The following NBEAL1 variants were observed in gnomAD, a reference collection of about 807,000 sequenced individuals.
The protein encoded by NBEAL1 is neurobeachin like 1.
In NBEAL1, 273 loss-of-function variants were observed where a neutral mutation model predicts 351.3. That is an observed-to-expected ratio of 0.78 (90% CI 0.70 to 0.86). The LOEUF is 0.86. Ranked by LOEUF, NBEAL1 falls within the 40% of genes least tolerant of loss-of-function variation. NBEAL1 has a pLI of 0.00. For synonymous variants in NBEAL1, 1,050 were observed against 1,086.4 expected (o/e 0.97, Z 0.66); for missense variants, 2,961 against 3,201.3 (o/e 0.92, Z 1.81).
intron 10 of NBEAL1, among the ~76,000 whole-genome samples, chr2:203,096,149 A>G (rs1490413622): frequency 2.0e-5 from 3 of 152,212 alleles, no homozygotes; most frequent in African/African-American, 7.2e-5. Flanking sequence ...TAGCTATTTG[A>G]TGAGGTATTT....
rs1009590111 is a variant in NBEAL1 at position 203,223,332 on chromosome 2, A to G, written c.*5978A>G. The stretch of plus-strand genomic sequence containing the variant: ...ACGGTTTTCATGTTTCCTTGGAAAC[A>G]TATTTTGCAAATATAACAATAATAG... On this transcript the variant is annotated 3_prime_UTR_variant, in exon 56 of 56. Transcript: ENST00000683969. 2.0e-5 allele frequency among the ~76,000 whole-genome samples: 3 copies of G among 152,152 alleles called. No individual in the cohort carries two copies. The highest frequency in any genetic ancestry group is 4.4e-5 in the Non-Finnish European group (3 of 67,966).
At chr2:203,174,647 C>T (rs2064436102) in intron 41 of NBEAL1, among the ~76,000 whole-genome samples, 1 of 151,970 alleles carries the variant, frequency 6.6e-6, no homozygotes, top group Non-Finnish European at 1.5e-5. Flanking sequence ...AATCCCAGCA[C>T]TTTGGGAGGC....
intron 2 of NBEAL1, among the ~76,000 whole-genome samples, chr2:203,037,608 A>G (rs527633201): frequency 2.0e-5 from 3 of 149,054 alleles, no homozygotes; most frequent in Non-Finnish European, 4.5e-5. Flanking sequence ...GCCCCTTTGC[A>G]GTCGGTCCTC....
At chr2:203,169,662 T>C in intron 38 of NBEAL1, 85 bp from the exon 39 acceptor site, 1 of 650,710 alleles carries the variant, frequency 1.5e-6, no homozygotes, top group Non-Finnish European at 2.7e-6. Flanking sequence ...GGGTGAATTG[T>C]CTCTCAATAC....
rs1425062651 is a variant in NBEAL1, at chr2:203,112,014, G to C, written c.2118G>C (p.Arg706Ser). The C allele has an allele frequency of 1.3e-6, 2 of 1,551,614 alleles. No homozygotes were observed. The highest frequency in any genetic ancestry group is 1.7e-6 in the Non-Finnish European group (2 of 1,147,022). The change falls in exon 16 of 56, where the codon AGG becomes AGC. Residue 706 changes from arginine to serine, a missense_variant. Physicochemically the swap from Arg to Ser is moderately radical, Grantham distance 110. Transcript: ENST00000683969. Reference sequence around the variant, plus strand: ...CTGTTGTCCACATGCCTGGAAAAAGGCCTTTTGGTCAGAGCTTCGTCTATA... The same window carrying C: ...CTGTTGTCCACATGCCTGGAAAAAGCCCTTTTGGTCAGAGCTTCGTCTATA... Reference protein sequence around the residue: ...NITVVHMPGKRPFGQSFVYIY... With the variant: ...NITVVHMPGKSPFGQSFVYIY...
intron 2 of NBEAL1, among the ~76,000 whole-genome samples, chr2:203,027,499 A>G (rs938056218): frequency 6.8e-6 from 1 of 147,138 alleles, no homozygotes; most frequent in Non-Finnish European, 1.5e-5. Context: ...TTACCTCTGT[A>G]AAAAAAAAAA....
intron 6 of NBEAL1, 133 bp downstream of exon 6, chr2:203,057,586 A>T: frequency 1.5e-6 from 1 of 667,474 alleles, no homozygotes; most frequent in Non-Finnish European, 2.4e-6. Context: ...TCTGAGCTAG[A>T]GAAATATGTT....
Position 203,034,998 on chromosome 2 carries a change from T to C in NBEAL1, c.52-6767T>C, listed in dbSNP as rs1474136408. ...ATATGCATCTAGAATTTGATAGTTT[T>C]AAAACTTGAGTGAGTACTGTAATCC... On this transcript the variant is annotated intron_variant, in intron 2 of 55. Coordinates refer to ENST00000683969, the MANE Select transcript of NBEAL1 (RefSeq NM_001378026.1). Among the ~76,000 whole-genome samples, 2 of 149,410 alleles carry C rather than the reference T, an allele frequency of 1.3e-5. 1 individual carries two copies. The highest frequency in any genetic ancestry group is 3.0e-5 in the Non-Finnish European group (2 of 66,644).
intron 6 of NBEAL1, among the ~76,000 whole-genome samples, chr2:203,060,150 G>A (rs1359208429): frequency 6.6e-6 from 1 of 152,110 alleles, no homozygotes; most frequent in Non-Finnish European, 1.5e-5. Context: ...GTCTGAAAAT[G>A]GCAGAAGAGA....
At chr2:203,217,174 C>A in intron 55 of NBEAL1, 79 bp from the exon 56 acceptor site, 1 of 1,077,138 alleles carries the variant, frequency 9.3e-7, no homozygotes, top group Non-Finnish European at 1.2e-6. Flanking sequence ...TTTCACTCTG[C>A]AAAATCAGTG....
At chr2:203,199,186 T>C (rs1156768586) in intron 48 of NBEAL1, 152 bp from the exon 49 acceptor site, 7 of 496,172 alleles carry the variant, frequency 1.4e-5, no homozygotes, top group Non-Finnish European at 1.8e-5. Context: ...TTGAGTTATC[T>C]TAAGATGTGC....
At chr2:203,149,535 C>CT (rs1022684040) in intron 34 of NBEAL1, among the ~76,000 whole-genome samples, 2 of 151,880 alleles carry the variant, frequency 1.3e-5, no homozygotes, top group African/African-American at 4.8e-5. Flanking sequence ...ATTATATTAT[C>CT]TTTTTTTTAT....
At position 203,183,341 on chromosome 2, in the gene NBEAL1, T is replaced by C; in HGVS notation, c.6658T>C (p.Trp2220Arg). 2.5e-6 allele frequency: 4 copies of C among 1,602,046 alleles called. No individual in the cohort carries two copies. Among genetic ancestry groups the C allele is most frequent in the African/African-American group, 1.3e-5 (1 of 74,712 alleles). Residue 2220 changes from tryptophan to arginine, a missense_variant, in exon 44 of 56, where the codon TGG (tryptophan) becomes CGG (arginine). Physicochemically the swap from Trp to Arg is moderately radical, Grantham distance 101 (BLOSUM62 -3). Transcript: ENST00000683969. ...ELVNDVILPK[W>R]AKSAEDFIYK... ...AGTAAATGATGTCATTCTCCCGAAA[T>C]GGGCTAAATCAGCTGAAGATTTCAT...
intron 7 of NBEAL1, among the ~76,000 whole-genome samples, chr2:203,072,084 G>A (rs952662869): frequency 6.6e-6 from 1 of 152,198 alleles, no homozygotes; most frequent in African/African-American, 2.4e-5. Context: ...CCAAGGAAGA[G>A]GAAACAGCCT....
chr2:203,146,300 A>G (rs1237665755), intron 33 of NBEAL1, among the ~76,000 whole-genome samples: 1 of 152,154 alleles, frequency 6.6e-6, no homozygotes, highest in Admixed American at 6.6e-5. Context: ...TCACTGGCAA[A>G]TTCTACCACA....
chr2:203,193,940 G>A, intron 47 of NBEAL1, 29 bp downstream of exon 47: 1 of 1,259,808 alleles, frequency 7.9e-7, no homozygotes, highest in Middle Eastern at 1.9e-4. Flanking sequence ...ATATCAAAAA[G>A]AGTTTTCTCT....
At chr2:203,076,106 A>T (rs561675324) in intron 7 of NBEAL1, among the ~76,000 whole-genome samples, 1 of 152,332 alleles carries the variant, frequency 6.6e-6, no homozygotes, top group East Asian at 1.9e-4. Context: ...AGAGAACTGG[A>T]TAAGTGAAGT....
Position 203,208,765 on chromosome 2 carries a change from C to T in NBEAL1, c.7623+12C>T. 2 of 1,540,382 alleles carry T rather than the reference C, an allele frequency of 1.3e-6. No individual in the cohort carries two copies. The highest frequency in any genetic ancestry group is 2.3e-5 in the East Asian group (1 of 44,330). On this transcript the variant is annotated intron_variant, in intron 52 of 55. Coordinates refer to ENST00000683969, the MANE Select transcript of NBEAL1 (RefSeq NM_001378026.1). The stretch of plus-strand genomic sequence containing the variant: ...TGTCAGGATCAAGGGTAAGATTTCA[C>T]CTTTAAGAAATACTATTTATTTTGT...
In NBEAL1 at chr2:203,110,171, G is replaced by C. The variant is rs1287678941; in HGVS notation, c.1971G>C (p.Met657Ile). 4 of 1,548,432 alleles carry C rather than the reference G, an allele frequency of 2.6e-6. No homozygotes were observed. The Admixed American group carries it at 8.0e-5, about 31-fold the overall frequency. The change falls in exon 15 of 56, where the codon ATG (methionine) becomes ATC (isoleucine). Residue 657 changes from methionine to isoleucine, a missense_variant. Coordinates refer to ENST00000683969, the MANE Select transcript of NBEAL1 (RefSeq NM_001378026.1). ...QLYSFFTGSGMGFEAFITHSG... is the reference protein window; with the variant it reads ...QLYSFFTGSGIGFEAFITHSG... ...TTAGTTTTTTTACAGGAAGTGGCAT[G>C]GGTTTTGAAGCCTTTATTACCCATT...
Sources: gnomAD v4.1 joint callset for allele counts (sites outside exome capture counted in the v4.1 genomes callset) on GRCh38, gnomAD v4.1.1 for gene constraint, MANE v1.5 for transcripts, NCBI Gene and HGNC (gene_info 2026-07-23, HGNC 2026-07-21) for gene names.